The following SCN11A variants were observed in gnomAD, a reference collection of about 807,000 sequenced individuals.
SCN11A encodes the protein sodium voltage-gated channel alpha subunit 11, also known as sodium channel protein type 11 subunit alpha.
In SCN11A, 122 loss-of-function variants were observed where a neutral mutation model predicts 162.2. The ratio of observed to expected loss-of-function variants is 0.75; its 90% CI spans 0.65 to 0.87. SCN11A has a LOEUF of 0.87. SCN11A is among the 40% of genes least tolerant of loss of function. The pLI is 0.00. For synonymous variants in SCN11A, 758 were observed against 751.5 expected, an observed-to-expected ratio of 1.01 and a Z score of -0.14; for missense variants, 2,015 against 2,181.6, an observed-to-expected ratio of 0.92 and a Z score of 1.52.
intron 1 of SCN11A, among the ~76,000 whole-genome samples, chr3:39,047,794 C>T (rs576263278): frequency 6.6e-6 from 1 of 152,252 alleles, no homozygotes; most frequent in African/African-American, 2.4e-5. Context: ...CATCACTAAT[C>T]ATCAGGGAAA....
intron 26 of SCN11A, 94 bp downstream of exon 26, chr3:38,870,597 C>CT: frequency 9.8e-7 from 1 of 1,018,090 alleles, no homozygotes; most frequent in Admixed American, 2.0e-5. Context: ...ACCCCAGCTG[C>CT]TGGAACTATG....
intron 11 of SCN11A, 63 bp from the exon 12 acceptor site, chr3:38,910,270 CCAA>C (rs2065868761): frequency 1.3e-6 from 2 of 1,528,786 alleles, no homozygotes; most frequent in Admixed American, 1.9e-5. Context: ...CTTTTTCCTT[CCAA>C]CGACTCTGGT....
intron 2 of SCN11A, among the ~76,000 whole-genome samples, chr3:38,986,801 G>T (rs1489235607): frequency 6.6e-6 from 1 of 152,110 alleles, no homozygotes; most frequent in African/African-American, 2.4e-5. Flanking sequence ...TTAACCCTGC[G>T]ATTTTTGCAG....
intron 9 of SCN11A, among the ~76,000 whole-genome samples, chr3:38,922,982 TTTTG>T (rs949687378): frequency 7.9e-5 from 12 of 151,956 alleles, no homozygotes; most frequent in Admixed American, 1.3e-4. Flanking sequence ...TAATAAACTG[TTTTG>T]TTTGTTTGTT....
chr3:38,897,940 T>C (rs956255035), intron 17 of SCN11A, among the ~76,000 whole-genome samples: 1 of 151,572 alleles, frequency 6.6e-6, no homozygotes, highest in South Asian at 2.1e-4. Flanking sequence ...ATTTAAATGA[T>C]TGAAAAATAA....
At chr3:38,952,449 A>AC (rs1477435272) in intron 4 of SCN11A, among the ~76,000 whole-genome samples, 12 of 152,058 alleles carry the variant, frequency 7.9e-5, no homozygotes, top group Admixed American at 6.5e-5. Context: ...ATAGTAAGAA[A>AC]CCCAACATAT....
chr3:38,893,940 G>A (rs1358266879), intron 19 of SCN11A, among the ~76,000 whole-genome samples: 2 of 152,098 alleles, frequency 1.3e-5, no homozygotes, highest in Non-Finnish European at 2.9e-5. Flanking sequence ...CATCAAATCT[G>A]TCACTGCCTT....
chr3:38,960,997 T>C (rs1219366117), intron 2 of SCN11A, among the ~76,000 whole-genome samples: 1 of 152,170 alleles, frequency 6.6e-6, no homozygotes, highest in African/African-American at 2.4e-5. Context: ...TGTTTGTTTG[T>C]TTGCTTTTTA....
intron 11 of SCN11A, among the ~76,000 whole-genome samples, chr3:38,913,622 G>A (rs184773478): frequency 9.2e-5 from 14 of 152,252 alleles, no homozygotes; most frequent in Admixed American, 7.2e-4. Flanking sequence ...AGTTTTTATA[G>A]TTTGGGGATT....
At chr3:39,030,292 G>C (rs993994698) in intron 2 of SCN11A, among the ~76,000 whole-genome samples, 119 of 152,280 alleles carry the variant, frequency 7.8e-4, no homozygotes, top group African/African-American at 2.8e-3. Context: ...ACAGAACCTG[G>C]TCGTGATGGC....
chr3:38,926,879 T>C lies in SCN11A; in HGVS notation c.541A>G (p.Arg181Gly). The C allele has an allele frequency of 6.2e-7, 1 of 1,613,344 alleles. No individual in the cohort carries two copies. The highest frequency in any genetic ancestry group is 8.5e-7 in the Non-Finnish European group (1 of 1,179,264). The change falls in exon 8 of 30, where the codon AGA (arginine) becomes GGA (glycine). Residue 181 changes from arginine (R) to glycine (G), a missense_variant. Arg to Gly is a moderately radical substitution (Grantham distance 125). Transcript: ENST00000302328. The part of the protein sequence containing the change: ...IFEALIKILA[R>G]GFILDEFSFL... ...GAAAACTCATCCAGAATGAAACCTC[T>C]TGCCAATATTTTAATCAAAGCTTCA...
At chr3:38,885,941 CA>C (rs2065390326) in intron 20 of SCN11A, among the ~76,000 whole-genome samples, 183 bp downstream of exon 20, 1 of 152,192 alleles carries the variant, frequency 6.6e-6, no homozygotes, top group Admixed American at 6.5e-5. Context: ...CTCACCATGA[CA>C]AATAATTGTC....
Position 38,925,635 on chromosome 3 carries a change from C to T in SCN11A, c.618-126G>A, listed in dbSNP as rs1575299520. On this transcript the variant is annotated intron_variant, in intron 8 of 29. Transcript: ENST00000302328. The stretch of plus-strand genomic sequence containing the variant: ...ACCTCCAAGGTGAAATCGACAGCCT[C>T]ACCTTTCCAGCCCCACCTTTATCTT... 10 of 651,268 alleles carry T rather than the reference C, an allele frequency of 1.5e-5. No homozygotes were observed. In the East Asian group the frequency reaches 2.7e-4, roughly 18 times the overall value. The allele number at this position is 651,268 out of a possible 1,614,324, so 40.3% of individuals were successfully genotyped here.
At chr3:38,969,395 G>A (rs77618042) in intron 2 of SCN11A, among the ~76,000 whole-genome samples, 8,239 of 152,208 alleles carry the variant, frequency 0.054, 735 homozygotes, top group African/African-American at 0.18. Flanking sequence ...CACATAAGAG[G>A]GATGAACAGG....
At chr3:39,002,036 C>CA (rs377595009) in intron 2 of SCN11A, among the ~76,000 whole-genome samples, 5,658 of 135,014 alleles carry the variant, frequency 0.042, 160 homozygotes, top group African/African-American at 0.09. Context: ...GACTCCGTCT[C>CA]AAAAAAAAAA....
intron 7 of SCN11A, among the ~76,000 whole-genome samples, chr3:38,944,534 G>A (rs2066486913): frequency 6.6e-6 from 1 of 151,754 alleles, no homozygotes; most frequent in Admixed American, 6.6e-5. Flanking sequence ...CACCATGTTA[G>A]CCAGGATGGT....
rs749828780 is a variant in SCN11A at position 38,896,936 on chromosome 3, T to G, written c.2312A>C (p.Glu771Ala). Reference sequence around the variant, plus strand: ...TTCTTGCATACATTCCCACATATTTTCGATCCATTCCCCGCAGAGGATGCG... The same window carrying G: ...TTCTTGCATACATTCCCACATATTTGCGATCCATTCCCCGCAGAGGATGCG... ...VFRILCGEWI[E>A]NMWECMQEAN... Residue 771 changes from glutamate to alanine, a missense_variant, in exon 18 of 30, where the codon GAA becomes GCA. Transcript: ENST00000302328. 6.2e-7 allele frequency: 1 copy of G among 1,614,088 alleles called. No individual in the cohort carries two copies. The highest frequency in any genetic ancestry group is 1.1e-5 in the South Asian group (1 of 91,078).
Position 38,856,717 on chromosome 3 carries a change from A to AACAT in SCN11A, c.4057-5967_4057-5966insATGT, listed in dbSNP as rs1553631822. Among the ~76,000 whole-genome samples, 1,075 of 152,288 alleles carry AACAT rather than the reference A, an allele frequency of 7.1e-3. 9 individuals are homozygous for AACAT. Among genetic ancestry groups the AACAT allele is most frequent in the Middle Eastern group, 0.031 (9 of 294 alleles). On this transcript the variant is annotated intron_variant, in intron 28 of 29. Transcript: ENST00000302328. ...AAGTCAGTAAATAAAACACTGGGAA[A>AACAT]AAATAAATAAATAAATAAATAAAAA...
intron 2 of SCN11A, among the ~76,000 whole-genome samples, chr3:38,986,449 C>T (rs970700941): frequency 6.6e-6 from 1 of 152,160 alleles, no homozygotes; most frequent in African/African-American, 2.4e-5. Flanking sequence ...CTGGACAGAC[C>T]CTGCTTCTGC....
Sources: gnomAD v4.1 joint callset for allele counts (sites outside exome capture counted in the v4.1 genomes callset) on GRCh38, gnomAD v4.1.1 for gene constraint, MANE v1.5 for transcripts, NCBI Gene and HGNC (gene_info 2026-07-23, HGNC 2026-07-21) for gene names.